The following HTR3B variants were observed in gnomAD, a reference collection of about 807,000 sequenced individuals.
HTR3B encodes the protein 5-hydroxytryptamine (serotonin) receptor 3B, ionotropic.
A neutral mutation model predicts 42.8 loss-of-function variants in HTR3B; 44 were observed. That is an observed-to-expected ratio of 1.03 (90% CI 0.81 to 1.32). HTR3B has a LOEUF of 1.32. Among genes scored for constraint, HTR3B ranks in the 40% most tolerant of loss-of-function variants. The pLI is 0.00. For synonymous variants in HTR3B, 203 were observed against 209.0 expected, an observed-to-expected ratio of 0.97 and a Z score of 0.25; for missense variants, 527 against 536.5, an observed-to-expected ratio of 0.98 and a Z score of 0.17.
chr11:113,942,446 C>T lies in HTR3B; in HGVS notation c.697-536C>T, dbSNP rs184159990. On this transcript the variant is annotated intron_variant, in intron 6 of 8. Coordinates refer to ENST00000260191, the MANE Select transcript of HTR3B (RefSeq NM_006028.5). ...TGCACTCTAGCCTGGGCAACAAGAG[C>T]GAAACTCCGTCACACACACACACAA... 1.4e-3 allele frequency among the ~76,000 whole-genome samples: 213 copies of T among 152,118 alleles called. 1 individual carries two copies. Among genetic ancestry groups the T allele is most frequent in the African/African-American group, 4.7e-3 (195 of 41,490 alleles).
intron 2 of HTR3B, among the ~76,000 whole-genome samples, chr11:113,917,353 G>A (rs906652263): frequency 1.1e-4 from 17 of 151,844 alleles, no homozygotes; most frequent in Non-Finnish European, 1.5e-5. Flanking sequence ...GGCTGGTCTT[G>A]AACTCCTGAC....
chr11:113,909,107 C>T (rs1297914035), intron 1 of HTR3B, 188 bp from the exon 2 acceptor site: 10 of 606,466 alleles, frequency 1.6e-5, no homozygotes, highest in Non-Finnish European at 2.6e-5. Flanking sequence ...CTCCATTGGG[C>T]ACTTAGGCCA....
rs201274345 is a variant in HTR3B, at chr11:113,909,256, C to G, written c.53-39C>G. On this transcript the variant is annotated intron_variant, in intron 1 of 8. Coordinates refer to ENST00000260191, the MANE Select transcript of HTR3B (RefSeq NM_006028.5). ...GAAACCTCCTAAAGAAACCAAGCTCCTCTTACTTTTATCTTCACAATGATA... is the reference window on the plus strand; with the variant it reads ...GAAACCTCCTAAAGAAACCAAGCTCGTCTTACTTTTATCTTCACAATGATA... 262 of 1,560,732 alleles carry G rather than the reference C, an allele frequency of 1.7e-4. No homozygotes were observed. The African/African-American group carries it at 3.3e-3, about 20-fold the overall frequency.
chr11:113,939,588 G>T lies in HTR3B; in HGVS notation c.697-3394G>T, dbSNP rs535802275. ...AACCTGTACTTTCTTGGAAATCAGG[G>T]ACCTTGAGGGGCCACACCATCCATC... On this transcript the variant is annotated intron_variant, in intron 6 of 8. Coordinates refer to ENST00000260191, the MANE Select transcript of HTR3B (RefSeq NM_006028.5). 1.9e-3 allele frequency among the ~76,000 whole-genome samples: 285 copies of T among 152,216 alleles called. 7 individuals are homozygous for T. The highest frequency in any genetic ancestry group is 2.2e-3 in the Non-Finnish European group (151 of 68,026).
chr11:113,912,235 ATTTCTTTTTTCT>A (rs1032190278), intron 2 of HTR3B, among the ~76,000 whole-genome samples: 7 of 151,794 alleles, frequency 4.6e-5, no homozygotes, highest in East Asian at 3.9e-4. Flanking sequence ...ATATGTTTCC[ATTTCTTTTTTCT>A]TTTCTTTTTT....
In HTR3B at chr11:113,946,206, A is replaced by G. The variant is rs1950178015; in HGVS notation, c.*69A>G. On this transcript the variant is annotated 3_prime_UTR_variant, in exon 9 of 9. Transcript: ENST00000260191. ...AGAGGAGGGGGAATAATAGTGGGTT[A>G]AAAAGCTTTCTGGGTCGGGTGTGGT... 7.0e-6 allele frequency: 9 copies of G among 1,281,348 alleles called. No homozygotes were observed. Among genetic ancestry groups the G allele is most frequent in the South Asian group, 6.0e-5 (5 of 82,834 alleles). 79.4% of individuals were successfully genotyped at this position (1,281,348 alleles called of 1,614,324 possible). A position where few individuals can be genotyped will look rare whatever the true frequency, so the allele number is the denominator to read the frequency against.
rs1180582122 is a variant in HTR3B, at chr11:113,931,390, G to A, written c.220G>A (p.Glu74Lys). Residue 74 changes from glutamate (E) to lysine (K), a missense_variant, in exon 3 of 9, where the codon GAG (glutamate) becomes AAG (lysine). Transcript: ENST00000260191. ...TTTTCTTTTTGCCTTGCAGGATGCA[G>A]AGAATCAAATATTAAAGACAAGTGT... is the stretch of plus-strand genomic sequence containing the variant. The part of the protein sequence containing the change: ...FVHAILDVDA[E>K]NQILKTSVWY... 1 of 1,602,100 alleles carries A rather than the reference G, an allele frequency of 6.2e-7. No homozygotes were observed. Among genetic ancestry groups the A allele is most frequent in the African/African-American group, 1.3e-5 (1 of 74,556 alleles).
At chr11:113,935,998 A>G (rs1376479154) in intron 6 of HTR3B, among the ~76,000 whole-genome samples, 1 of 152,130 alleles carries the variant, frequency 6.6e-6, no homozygotes, top group Non-Finnish European at 1.5e-5. Flanking sequence ...AGAGGACACC[A>G]CGGATACTTT....
At position 113,947,130 on chromosome 11, in the gene HTR3B, A is replaced by G. The variant is rs1950186939; in HGVS notation, c.*993A>G. ...GCTTCTTTTTTTTTTTTTGAGGCAG[A>G]GTCTTGCTCTGTCACCAGATTGGAG... On this transcript the variant is annotated 3_prime_UTR_variant, in exon 9 of 9. Transcript: ENST00000260191. Among the ~76,000 whole-genome samples, 1 of 150,922 alleles carries G rather than the reference A, an allele frequency of 6.6e-6. No homozygotes were observed. Among genetic ancestry groups the G allele is most frequent in the Non-Finnish European group, 1.5e-5 (1 of 67,836 alleles).
At chr11:113,942,897 G>A (rs1950147035) in intron 6 of HTR3B, 85 bp from the exon 7 acceptor site, 4 of 1,132,334 alleles carry the variant, frequency 3.5e-6, no homozygotes, top group Non-Finnish European at 5.3e-6. Context: ...TGGGTCTTCG[G>A]GGAGAATTCC....
At chr11:113,935,055 C>T (rs1446984986) in intron 6 of HTR3B, among the ~76,000 whole-genome samples, 10 of 152,180 alleles carry the variant, frequency 6.6e-5, no homozygotes, top group Non-Finnish European at 1.2e-4. Context: ...CACACACACA[C>T]ACACACACTC....
At chr11:113,904,406 C>T (rs1949719125), upstream of HTR3B, among the ~76,000 whole-genome samples, 1 of 152,198 alleles carries the variant, frequency 6.6e-6, no homozygotes, top group Non-Finnish European at 1.5e-5. Flanking sequence ...CTTCATTAGA[C>T]AATACCAGGT....
intron 6 of HTR3B, among the ~76,000 whole-genome samples, chr11:113,933,344 C>A (rs1950056883): frequency 6.6e-6 from 1 of 152,114 alleles, no homozygotes; most frequent in South Asian, 2.1e-4. Flanking sequence ...AGGCCTGAAG[C>A]ATGCCCTGCA....
chr11:113,907,365 T>G (rs1281228249), intron 1 of HTR3B, among the ~76,000 whole-genome samples: 1 of 152,224 alleles, frequency 6.6e-6, no homozygotes, highest in Non-Finnish European at 1.5e-5. Flanking sequence ...TAATTTACTG[T>G]TAATTAATGG....
At chr11:113,927,418 A>T (rs1279389716) in intron 2 of HTR3B, among the ~76,000 whole-genome samples, 1 of 152,236 alleles carries the variant, frequency 6.6e-6, no homozygotes, top group Non-Finnish European at 1.5e-5. Flanking sequence ...TAGAAAATAC[A>T]GAAGAATATA....
At chr11:113,930,810 G>A (rs559867414) in intron 2 of HTR3B, among the ~76,000 whole-genome samples, 2 of 152,196 alleles carry the variant, frequency 1.3e-5, no homozygotes, top group Admixed American at 6.5e-5. Flanking sequence ...TTAAATTGCT[G>A]TTTTGGGGGG....
upstream of HTR3B, chr11:113,904,759 T>C: frequency 1.7e-6 from 1 of 591,774 alleles, no homozygotes. Context: ...TGCATGGTGC[T>C]GGTATTGCCT....
chr11:113,925,464 C>T (rs1278757248), intron 2 of HTR3B, among the ~76,000 whole-genome samples: 1 of 139,336 alleles, frequency 7.2e-6, no homozygotes, highest in African/African-American at 2.7e-5. Flanking sequence ...CTCTCTATCA[C>T]CCAGACTGGA....
At chr11:113,910,227 T>TG (rs1949776960) in intron 2 of HTR3B, among the ~76,000 whole-genome samples, 1 of 152,084 alleles carries the variant, frequency 6.6e-6, no homozygotes, top group South Asian at 2.1e-4. Context: ...CTAAGGATGG[T>TG]GGGGAGAATT....
Sources: allele counts gnomAD v4.1 joint callset (sites outside exome capture counted in the v4.1 genomes callset), GRCh38; gene constraint gnomAD v4.1.1; transcripts MANE v1.5; gene names NCBI Gene and HGNC (gene_info 2026-07-23, HGNC 2026-07-21).